TSPAN5: variants seen among roughly 807,000 people sequenced by gnomAD.
The protein encoded by TSPAN5 is tetraspanin-5.
In TSPAN5, 10 loss-of-function variants were observed where a neutral mutation model predicts 37.1. The observed-to-expected ratio is 0.27, with a 90% CI of 0.17 to 0.46. TSPAN5 has a LOEUF of 0.46. Ranked by LOEUF, TSPAN5 falls within the 20% of genes least tolerant of loss-of-function variation. The probability of loss-of-function intolerance (pLI) is 1.00; values close to 1 mark genes in which losing one functional copy is unlikely to be tolerated. For missense variants in TSPAN5, 195 were observed against 326.6 expected, an observed-to-expected ratio of 0.60 and a Z score of 3.11; for synonymous variants, 110 against 118.9, an observed-to-expected ratio of 0.93 and a Z score of 0.48.
intron 1 of TSPAN5, among the ~76,000 whole-genome samples, chr4:98,532,182 A>G (rs762701744): frequency 5.3e-5 from 8 of 152,044 alleles, no homozygotes; most frequent in Non-Finnish European, 7.4e-5. Context: ...TAGGATTTTT[A>G]TGGTTCCATA....
At chr4:98,617,272 A>G (rs113963935) in intron 1 of TSPAN5, among the ~76,000 whole-genome samples, 6 of 152,336 alleles carry the variant, frequency 3.9e-5, no homozygotes, top group African/African-American at 9.6e-5. Flanking sequence ...TCTCACATCT[A>G]TGGTATCATC....
intron 1 of TSPAN5, among the ~76,000 whole-genome samples, chr4:98,510,744 T>G (rs191893259): frequency 1.5e-4 from 23 of 152,334 alleles, no homozygotes; most frequent in Admixed American, 1.5e-3. Context: ...GTTTAAGAAC[T>G]GGGAAAGAAC....
intron 1 of TSPAN5, among the ~76,000 whole-genome samples, chr4:98,536,774 A>G (rs538606308): frequency 1.3e-5 from 2 of 152,210 alleles, no homozygotes; most frequent in African/African-American, 2.4e-5. Context: ...CGAACTTCCC[A>G]GTGCCTTTGT....
chr4:98,576,367 A>T (rs577261699), intron 1 of TSPAN5, among the ~76,000 whole-genome samples: 1 of 152,350 alleles, frequency 6.6e-6, no homozygotes, highest in South Asian at 2.1e-4. Flanking sequence ...GAAAATTTTT[A>T]AAAACATAGT....
intron 1 of TSPAN5, among the ~76,000 whole-genome samples, chr4:98,509,513 C>T (rs773267053): frequency 2.0e-5 from 3 of 152,194 alleles, no homozygotes; most frequent in Non-Finnish European, 2.9e-5. Context: ...AGCAAGACAA[C>T]ACACAATACA....
rs561590251 is a variant in TSPAN5, at chr4:98,610,247, G to A, written c.81+47899C>T. ...AAAAGATGAGGGGCAGCAAGAGATC[G>A]AACTCAGCCTCAAGCCCTTTTATAA... is the stretch of plus-strand genomic sequence containing the variant. On this transcript the variant is annotated intron_variant, in intron 1 of 7. Transcript: ENST00000305798. 3.9e-5 allele frequency among the ~76,000 whole-genome samples: 6 copies of A among 152,310 alleles called. No homozygotes were observed. In the South Asian group the frequency reaches 6.2e-4, roughly 16 times the overall value.
intron 2 of TSPAN5, among the ~76,000 whole-genome samples, chr4:98,495,295 C>T (rs1416288182): frequency 1.3e-5 from 2 of 152,110 alleles, no homozygotes; most frequent in African/African-American, 2.4e-5. Context: ...TCTGGGAGGC[C>T]GAGGCGGGTG....
rs1407529386 is a variant in TSPAN5 at position 98,476,397 on chromosome 4, A to G, written c.624+16T>C. On this transcript the variant is annotated intron_variant, in intron 6 of 7. Coordinates refer to ENST00000305798, the MANE Select transcript of TSPAN5 (RefSeq NM_005723.4). ...AACACCCTTCGTGCTAAGCAACAAC[A>G]TGAGATTCCACTTACTGGTTTTTGC... 1 of 1,614,162 alleles carries G rather than the reference A, an allele frequency of 6.2e-7. No homozygotes were observed. Among genetic ancestry groups the G allele is most frequent in the African/African-American group, 1.3e-5 (1 of 75,036 alleles).
intron 1 of TSPAN5, among the ~76,000 whole-genome samples, chr4:98,512,106 G>C (rs932881419): frequency 3.9e-5 from 6 of 152,182 alleles, no homozygotes; most frequent in Non-Finnish European, 8.8e-5. Context: ...CCAGCTACTT[G>C]GGAGGCTGAG....
chr4:98,634,004 G>A (rs553632101), intron 1 of TSPAN5, among the ~76,000 whole-genome samples: 5 of 152,022 alleles, frequency 3.3e-5, no homozygotes, highest in South Asian at 2.1e-4. Context: ...GCTTGAACCC[G>A]GGAGGCAGAG....
intron 1 of TSPAN5, among the ~76,000 whole-genome samples, chr4:98,623,725 C>A (rs1028766769): frequency 6.6e-6 from 1 of 152,092 alleles, no homozygotes; most frequent in Non-Finnish European, 1.5e-5. Flanking sequence ...AGATACAACC[C>A]ATCCCTTACT....
chr4:98,507,029 A>G (rs1753492521), intron 2 of TSPAN5, among the ~76,000 whole-genome samples: 3 of 152,296 alleles, frequency 2.0e-5, no homozygotes, highest in South Asian at 2.1e-4. Flanking sequence ...TAGAGCAGAA[A>G]CTGCCCAGAA....
intron 1 of TSPAN5, among the ~76,000 whole-genome samples, chr4:98,646,875 C>A (rs950225029): frequency 6.6e-6 from 1 of 152,116 alleles, no homozygotes; most frequent in Admixed American, 6.5e-5. Context: ...CTATTCCAAG[C>A]AGTTTACACA....
chr4:98,557,207 G>A (rs1297988162), intron 1 of TSPAN5, among the ~76,000 whole-genome samples: 2 of 152,070 alleles, frequency 1.3e-5, no homozygotes, highest in Non-Finnish European at 2.9e-5. Flanking sequence ...TTTCTAAACA[G>A]AATACACACT....
intron 1 of TSPAN5, among the ~76,000 whole-genome samples, chr4:98,534,698 T>A (rs537989069): frequency 1.7e-4 from 26 of 152,358 alleles, no homozygotes; most frequent in Non-Finnish European, 3.1e-4. Flanking sequence ...ATCTGGGTGC[T>A]CCTGTATTGG....
chr4:98,650,964 T>C (rs1208583434), intron 1 of TSPAN5, among the ~76,000 whole-genome samples: 3 of 152,176 alleles, frequency 2.0e-5, no homozygotes, highest in Non-Finnish European at 1.5e-5. Context: ...AGACACTAAG[T>C]TCTTACTGAT....
intron 1 of TSPAN5, among the ~76,000 whole-genome samples, chr4:98,514,931 T>C (rs1753695704): frequency 6.6e-6 from 1 of 152,140 alleles, no homozygotes; most frequent in South Asian, 2.1e-4. Context: ...TGGGAAGTGC[T>C]GTGGAAAGAG....
chr4:98,484,026 G>A (rs1014058470), intron 3 of TSPAN5: 25 of 193,948 alleles, frequency 1.3e-4, no homozygotes, highest in African/African-American at 5.7e-4. Flanking sequence ...GAAACACCAA[G>A]TCAGGGAAAG....
chr4:98,618,319 A>C (rs1756393071), intron 1 of TSPAN5, among the ~76,000 whole-genome samples: 1 of 152,206 alleles, frequency 6.6e-6, no homozygotes, highest in Non-Finnish European at 1.5e-5. Flanking sequence ...CACACTATTA[A>C]TGTACTAATA....
Sources: allele counts gnomAD v4.1 joint callset (sites outside exome capture counted in the v4.1 genomes callset), GRCh38; gene constraint gnomAD v4.1.1; transcripts MANE v1.5; gene names NCBI Gene and HGNC (gene_info 2026-07-23, HGNC 2026-07-21).